LRRC4C: variants seen among roughly 807,000 people sequenced by gnomAD.
LRRC4C encodes leucine-rich repeat-containing protein 4C.
A neutral mutation model predicts 33.6 loss-of-function variants in LRRC4C; 5 were observed. The ratio of observed to expected loss-of-function variants is 0.15; its 90% CI spans 0.08 to 0.31. LRRC4C has a LOEUF of 0.31. LRRC4C is among the 10% of genes least tolerant of loss of function. LRRC4C has a pLI of 1.00. For synonymous variants in LRRC4C, 329 were observed against 302.0 expected, an observed-to-expected ratio of 1.09 and a Z score of -0.93; for missense variants, 560 against 796.7, an observed-to-expected ratio of 0.70 and a Z score of 3.58.
At chr11:40,967,338 A>G (rs937983525) in intron 1 of LRRC4C, among the ~76,000 whole-genome samples, 3 of 152,014 alleles carry the variant, frequency 2.0e-5, no homozygotes, top group African/African-American at 7.2e-5. Context: ...GGATTCTGAA[A>G]GCATAAACAC....
chr11:41,136,693 A>C (rs536994586), intron 1 of LRRC4C, among the ~76,000 whole-genome samples: 1 of 152,120 alleles, frequency 6.6e-6, no homozygotes, highest in Admixed American at 6.6e-5. Context: ...GTCTATGCAC[A>C]TCTCGTTAGA....
intron 2 of LRRC4C, among the ~76,000 whole-genome samples, chr11:40,860,163 G>T (rs1954009789): frequency 6.6e-6 from 1 of 151,358 alleles, no homozygotes; most frequent in South Asian, 2.1e-4. Flanking sequence ...AATGAAAGAG[G>T]TCAAACACAG....
At position 40,623,604 on chromosome 11, in the gene LRRC4C, G is replaced by A. The variant is rs144424963; in HGVS notation, c.-270+24538C>T. Among the ~76,000 whole-genome samples the A allele has an allele frequency of 1.0e-3, 154 of 152,128 alleles. 1 individual carries two copies. The highest frequency in any genetic ancestry group is 3.6e-3 in the African/African-American group (148 of 41,540). On this transcript the variant is annotated intron_variant, in intron 3 of 6. Transcript: ENST00000528697. ...TTCCAAGCATAAAGGATTTATTTCT[G>A]ACTAGCAAAATTAATTTCTTCTGCT... is the stretch of plus-strand genomic sequence containing the variant.
intron 1 of LRRC4C, among the ~76,000 whole-genome samples, chr11:41,210,776 C>T (rs1460028489): frequency 6.6e-6 from 1 of 152,178 alleles, no homozygotes; most frequent in Non-Finnish European, 1.5e-5. Flanking sequence ...GTTTATCATT[C>T]ACATACATTT....
intron 1 of LRRC4C, among the ~76,000 whole-genome samples, chr11:41,164,491 T>C (rs1368819114): frequency 2.6e-5 from 4 of 152,132 alleles, no homozygotes; most frequent in African/African-American, 9.7e-5. Context: ...ATAGTAAACA[T>C]ATAAACCAAT....
At chr11:41,402,759 A>G (rs1051750451) in intron 1 of LRRC4C, among the ~76,000 whole-genome samples, 1 of 152,046 alleles carries the variant, frequency 6.6e-6, no homozygotes, top group Non-Finnish European at 1.5e-5. Flanking sequence ...GGCTCAAGAG[A>G]AAAACACAGA....
At chr11:41,370,733 A>G (rs952819639) in intron 1 of LRRC4C, among the ~76,000 whole-genome samples, 1 of 152,116 alleles carries the variant, frequency 6.6e-6, no homozygotes, top group Admixed American at 6.5e-5. Flanking sequence ...TTGGAGAGAC[A>G]TGGTCCCACT....
intron 1 of LRRC4C, among the ~76,000 whole-genome samples, chr11:41,140,400 A>T (rs1943450710): frequency 8.6e-6 from 1 of 116,434 alleles, no homozygotes; most frequent in South Asian, 2.4e-4. Context: ...TTCACAAATG[A>T]TTAGCTGAAC....
intron 1 of LRRC4C, among the ~76,000 whole-genome samples, chr11:40,994,606 G>A (rs1170965049): frequency 1.3e-5 from 2 of 152,228 alleles, no homozygotes; most frequent in East Asian, 1.9e-4. Flanking sequence ...TCCAAATTGA[G>A]TTTTTCCCTA....
At chr11:41,357,729 A>G (rs1218504380) in intron 1 of LRRC4C, among the ~76,000 whole-genome samples, 1 of 152,160 alleles carries the variant, frequency 6.6e-6, no homozygotes, top group Non-Finnish European at 1.5e-5. Context: ...AGCTATAATA[A>G]CAGAACAAAA....
chr11:40,417,566 G>T (rs1045641700), intron 3 of LRRC4C, among the ~76,000 whole-genome samples: 3 of 151,536 alleles, frequency 2.0e-5, no homozygotes, highest in African/African-American at 7.3e-5. Flanking sequence ...CAAGTGATCT[G>T]CCCACCTCTG....
At chr11:40,785,320 C>T (rs1950369725) in intron 2 of LRRC4C, among the ~76,000 whole-genome samples, 1 of 152,182 alleles carries the variant, frequency 6.6e-6, no homozygotes, top group Admixed American at 6.5e-5. Flanking sequence ...AACTTTTAAA[C>T]TTCCAAACTC....
At chr11:40,244,699 T>G (rs571214423) in intron 4 of LRRC4C, among the ~76,000 whole-genome samples, 1 of 152,240 alleles carries the variant, frequency 6.6e-6, no homozygotes, top group African/African-American at 2.4e-5. Flanking sequence ...CCTGTGTTTT[T>G]TGAGTTGATT....
chr11:40,429,568 T>TAAAAAAAAAAA (rs59538764), intron 3 of LRRC4C, among the ~76,000 whole-genome samples: 7 of 147,772 alleles, frequency 4.7e-5, no homozygotes, highest in African/African-American at 1.8e-4. Flanking sequence ...GCAATAATAA[T>TAAAAAAAAAAA]AAAAAAAAAA....
At chr11:40,319,384 GC>G (rs1945731101) in intron 4 of LRRC4C, among the ~76,000 whole-genome samples, 1 of 152,206 alleles carries the variant, frequency 6.6e-6, no homozygotes, top group African/African-American at 2.4e-5. Flanking sequence ...GCCTGCAGTT[GC>G]CACGCACTTC....
intron 3 of LRRC4C, among the ~76,000 whole-genome samples, chr11:40,566,826 A>G (rs1004113085): frequency 1.3e-5 from 2 of 152,008 alleles, no homozygotes; most frequent in Non-Finnish European, 2.9e-5. Context: ...CCTGAAAAGG[A>G]ACCTAATTTC....
intron 6 of LRRC4C, among the ~76,000 whole-genome samples, chr11:40,129,352 C>A (rs1856486540): frequency 1.3e-5 from 2 of 152,120 alleles, no homozygotes. Flanking sequence ...TGTCTCTTTG[C>A]ATGTTTTTTT....
chr11:40,194,090 T>C (rs1035884262), intron 5 of LRRC4C, among the ~76,000 whole-genome samples: 1 of 152,046 alleles, frequency 6.6e-6, no homozygotes, highest in African/African-American at 2.4e-5. Context: ...ACATTCAAAT[T>C]CAGGAAATAC....
intron 2 of LRRC4C, among the ~76,000 whole-genome samples, chr11:40,845,387 T>A (rs1429034035): frequency 6.6e-6 from 1 of 152,166 alleles, no homozygotes; most frequent in Non-Finnish European, 1.5e-5. Context: ...CTCCCACTTA[T>A]GAGCGAGAAC....
Sources: gnomAD v4.1 joint callset for allele counts (sites outside exome capture counted in the v4.1 genomes callset) on GRCh38, gnomAD v4.1.1 for gene constraint, MANE v1.5 for transcripts, NCBI Gene and HGNC (gene_info 2026-07-23, HGNC 2026-07-21) for gene names.